The following DDX19B variants were observed in gnomAD, a reference collection of about 807,000 sequenced individuals.
DDX19B encodes the protein DEAD-box helicase 19B, also known as ATP-dependent RNA helicase DDX19B.
DDX19B carries 27 observed loss-of-function variants against 58.1 expected under a neutral mutation model. The ratio of observed to expected loss-of-function variants is 0.46; its 90% confidence interval spans 0.34 to 0.64. The LOEUF is 0.64. Ranked by LOEUF, DDX19B falls within the 30% of genes least tolerant of loss-of-function variation. DDX19B has a pLI of 0.01. For missense variants in DDX19B, 399 were observed against 596.5 expected (o/e 0.67, Z 3.45); for synonymous variants, 187 against 214.4 (o/e 0.87, Z 1.12).
chr16:70,330,171 A>G, intron 9 of DDX19B, 103 bp downstream of exon 9: 5 of 1,376,660 alleles, frequency 3.6e-6, no homozygotes, highest in Admixed American at 1.9e-5. Context: ...GAAGAAACGA[A>G]GTGGTTTGTT....
chr16:70,331,910 GT>G (rs762187408), intron 10 of DDX19B, 26 bp downstream of exon 10: 2 of 1,608,374 alleles, frequency 1.2e-6, no homozygotes, highest in South Asian at 2.2e-5. Flanking sequence ...GTCCCACCTG[GT>G]CTGCCAGGCT....
At chr16:70,293,665 G>T (rs1400336455), upstream of DDX19B, among the ~76,000 whole-genome samples, 4 of 132,366 alleles carry the variant, frequency 3.0e-5, no homozygotes, top group African/African-American at 1.2e-4. Flanking sequence ...ACTGCGGACT[G>T]CAGTGGCGCA....
intron 11 of DDX19B, 50 bp from the exon 12 acceptor site, chr16:70,333,471 G>A: frequency 6.2e-7 from 1 of 1,613,618 alleles, no homozygotes; most frequent in Non-Finnish European, 8.5e-7. Context: ...TGTGGCCCAA[G>A]ATGGGGCACA....
chr16:70,329,637 G>A (rs1014622482), intron 8 of DDX19B, among the ~76,000 whole-genome samples, 168 bp downstream of exon 8: 7 of 152,118 alleles, frequency 4.6e-5, no homozygotes, highest in Admixed American at 4.6e-4. Context: ...GTCCCTCCCA[G>A]CCTGGGTTGA....
At chr16:70,299,682 AGTCTG>A (rs1387681014) in intron 1 of DDX19B, among the ~76,000 whole-genome samples, 1 of 152,102 alleles carries the variant, frequency 6.6e-6, no homozygotes, top group Non-Finnish European at 1.5e-5. Flanking sequence ...TGCCCAGGCT[AGTCTG>A]GAACTCCTGG....
chr16:70,315,020 G>A, intron 3 of DDX19B, 65 bp downstream of exon 3: 3 of 1,551,324 alleles, frequency 1.9e-6, no homozygotes, highest in Non-Finnish European at 2.6e-6. Flanking sequence ...GGATTGTTAT[G>A]AGGCTTCATT....
At chr16:70,295,116 G>C, upstream of DDX19B, 2 of 1,231,544 alleles carry the variant, frequency 1.6e-6, no homozygotes, top group Non-Finnish European at 1.0e-6. Flanking sequence ...CTAGGCTCAC[G>C]TGGGAATAAA....
At chr16:70,330,156 C>T in intron 9 of DDX19B, 88 bp downstream of exon 9, 1 of 1,490,242 alleles carries the variant, frequency 6.7e-7, no homozygotes, top group South Asian at 1.2e-5. Context: ...CCCTGGGTGC[C>T]ATGGGAAGAA....
chr16:70,332,426 G>A (rs541082950), intron 10 of DDX19B, among the ~76,000 whole-genome samples: 3 of 152,178 alleles, frequency 2.0e-5, no homozygotes, highest in Non-Finnish European at 2.9e-5. Context: ...TCAGCCTCCC[G>A]AGTAGCTGGG....
chr16:70,306,765 T>G (rs890943014), intron 1 of DDX19B, among the ~76,000 whole-genome samples: 2 of 152,200 alleles, frequency 1.3e-5, no homozygotes, highest in African/African-American at 4.8e-5. Flanking sequence ...AAGTGTACAG[T>G]TCACTGATGG....
Position 70,331,888 on chromosome 16 carries a change from A to C in DDX19B, c.1186+4A>C. 2 of 1,613,190 alleles carry C rather than the reference A, an allele frequency of 1.2e-6. No individual in the cohort carries two copies. The highest frequency in any genetic ancestry group is 2.2e-5 in the South Asian group (2 of 91,012). Reference sequence around the variant, plus strand: ...ACCACCAACGTGTGTGCCCGCGGTGAGCAGAGGACGTGTCCCACCTGGTCT... The same window carrying C: ...ACCACCAACGTGTGTGCCCGCGGTGCGCAGAGGACGTGTCCCACCTGGTCT... On this transcript the variant is annotated splice_donor_region_variant and intron_variant, in intron 10 of 11. Coordinates refer to ENST00000288071, the MANE Select transcript of DDX19B (RefSeq NM_007242.7).
At chr16:70,294,072 A>ATTTTTT (rs35683856), upstream of DDX19B, among the ~76,000 whole-genome samples, 2 of 63,098 alleles carry the variant, frequency 3.2e-5, no homozygotes, top group Non-Finnish European at 5.5e-5. Flanking sequence ...GAGAGCCTGA[A>ATTTTTT]TTTTTTTTTT....
At chr16:70,328,810 A>C (rs1457521460) in intron 7 of DDX19B, among the ~76,000 whole-genome samples, 2 of 152,202 alleles carry the variant, frequency 1.3e-5, no homozygotes, top group Admixed American at 1.3e-4. Flanking sequence ...ATTAAATGCT[A>C]TAGTGATATC....
upstream of DDX19B, chr16:70,290,048 GAA>G: frequency 7.7e-6 from 2 of 260,750 alleles, no homozygotes; most frequent in Non-Finnish European, 1.6e-5. Context: ...TTTGCCTTTG[GAA>G]AAAAAAAAGT....
upstream of DDX19B, among the ~76,000 whole-genome samples, chr16:70,294,109 TCTCA>T (rs1961133784): frequency 8.7e-6 from 1 of 115,338 alleles, no homozygotes; most frequent in Admixed American, 1.2e-4. Context: ...TGAGACGGAG[TCTCA>T]CTCTGTCGCC....
At chr16:70,326,958 C>G (rs1019780318) in intron 7 of DDX19B, among the ~76,000 whole-genome samples, 3 of 151,958 alleles carry the variant, frequency 2.0e-5, no homozygotes, top group Non-Finnish European at 4.4e-5. Context: ...CCTCAGCCTC[C>G]TGAGTAGCTG....
At chr16:70,324,374 A>G (rs2152208720) in intron 5 of DDX19B, among the ~76,000 whole-genome samples, 1 of 150,608 alleles carries the variant, frequency 6.6e-6, no homozygotes, top group Non-Finnish European at 1.5e-5. Flanking sequence ...AAAAAAAAAA[A>G]AAAAAAAAAA....
upstream of DDX19B, among the ~76,000 whole-genome samples, chr16:70,297,385 G>A (rs752597172): frequency 2.6e-5 from 4 of 151,842 alleles, no homozygotes; most frequent in South Asian, 8.3e-4. Flanking sequence ...GCTAATTTTT[G>A]TATTTTTAGT....
intron 6 of DDX19B, among the ~76,000 whole-genome samples, 155 bp downstream of exon 6, chr16:70,324,842 A>C (rs1442002653): frequency 6.6e-6 from 1 of 152,156 alleles, no homozygotes; most frequent in Admixed American, 6.6e-5. Context: ...ACCTGAGGTC[A>C]GGAGTTCTAG....
Sources: allele counts gnomAD v4.1 joint callset (sites outside exome capture counted in the v4.1 genomes callset), GRCh38; gene constraint gnomAD v4.1.1; transcripts MANE v1.5; gene names NCBI Gene and HGNC (gene_info 2026-07-23, HGNC 2026-07-21).